ADCY8: variants seen among roughly 807,000 people sequenced by gnomAD.
ADCY8 encodes adenylate cyclase 8.
In ADCY8, 51 loss-of-function variants were observed where a neutral mutation model predicts 119.7. That is an observed-to-expected ratio of 0.43 (90% confidence interval 0.34 to 0.54). ADCY8 has a LOEUF of 0.54. Among genes scored for constraint, ADCY8 ranks in the 20% least tolerant of loss-of-function variants. The pLI, the probability that ADCY8 is intolerant of heterozygous loss-of-function variation, is 0.03. For missense variants in ADCY8, 1,383 were observed against 1,598.8 expected (o/e 0.87, Z 2.30); for synonymous variants, 665 against 651.0 (o/e 1.02, Z -0.33).
At chr8:130,967,146 A>G (rs1246687098) in intron 2 of ADCY8, among the ~76,000 whole-genome samples, 1 of 152,196 alleles carries the variant, frequency 6.6e-6, no homozygotes, top group Non-Finnish European at 1.5e-5. Flanking sequence ...TGGAATTTTC[A>G]CCCATAAATG....
intron 1 of ADCY8, among the ~76,000 whole-genome samples, chr8:131,011,385 G>A (rs942904480): frequency 5.3e-5 from 8 of 152,072 alleles, no homozygotes; most frequent in African/African-American, 1.9e-4. Flanking sequence ...TTTATGTAGG[G>A]CCTGCCAAGC....
At chr8:130,856,443 T>G (rs1817735861) in intron 9 of ADCY8, among the ~76,000 whole-genome samples, 1 of 152,074 alleles carries the variant, frequency 6.6e-6, no homozygotes, top group African/African-American at 2.4e-5. Flanking sequence ...GGGCCCTTCT[T>G]GGCTACCACC....
chr8:131,009,831 A>C (rs1245396650), intron 1 of ADCY8, among the ~76,000 whole-genome samples: 2 of 152,208 alleles, frequency 1.3e-5, no homozygotes, highest in Non-Finnish European at 2.9e-5. Context: ...TAAAGAAGCA[A>C]TGGGTAGAAA....
intron 12 of ADCY8, among the ~76,000 whole-genome samples, chr8:130,833,982 C>T (rs1318600639): frequency 6.6e-6 from 1 of 152,062 alleles, no homozygotes; most frequent in Non-Finnish European, 1.5e-5. Flanking sequence ...GATTGTAAAA[C>T]ATGGCAACTA....
At chr8:130,949,929 C>T (rs1296554717) in intron 3 of ADCY8, among the ~76,000 whole-genome samples, 1 of 152,198 alleles carries the variant, frequency 6.6e-6, no homozygotes, top group African/African-American at 2.4e-5. Flanking sequence ...CAAACTCAAG[C>T]ATCTAAATCA....
chr8:130,878,101 A>G (rs1296535061), intron 8 of ADCY8, among the ~76,000 whole-genome samples: 2 of 152,204 alleles, frequency 1.3e-5, no homozygotes, highest in East Asian at 1.9e-4. Flanking sequence ...AGGGGCAGAC[A>G]ATCATACTCA....
At chr8:130,793,004 G>A (rs142304360) in intron 15 of ADCY8, among the ~76,000 whole-genome samples, 19 of 152,198 alleles carry the variant, frequency 1.2e-4, no homozygotes, top group Non-Finnish European at 2.5e-4. Flanking sequence ...CAGGAGCTGC[G>A]GCCCAAGTCT....
chr8:130,920,148 A>AAAG (rs1820257004), intron 5 of ADCY8, among the ~76,000 whole-genome samples: 1 of 150,804 alleles, frequency 6.6e-6, no homozygotes, highest in African/African-American at 2.4e-5. Context: ...GTTTCTTAAA[A>AAAG]AAAAAAAAAA....
intron 1 of ADCY8, among the ~76,000 whole-genome samples, chr8:131,030,432 A>G (rs1353668230): frequency 6.6e-6 from 1 of 152,184 alleles, no homozygotes; most frequent in Non-Finnish European, 1.5e-5. Context: ...CTTTCCTTTC[A>G]TGTAACTTCT....
chr8:130,982,011 T>A (rs1311156024), intron 2 of ADCY8, among the ~76,000 whole-genome samples: 1 of 152,230 alleles, frequency 6.6e-6, no homozygotes, highest in Admixed American at 6.5e-5. Context: ...AGATATAGAC[T>A]TAGAGCTAGG....
At chr8:130,902,579 A>G (rs1330153808) in intron 7 of ADCY8, among the ~76,000 whole-genome samples, 2 of 152,324 alleles carry the variant, frequency 1.3e-5, no homozygotes, top group African/African-American at 4.8e-5. Context: ...GAAACCAAAG[A>G]CAGCCTAGTC....
intron 2 of ADCY8, among the ~76,000 whole-genome samples, chr8:130,973,240 A>T (rs1021590645): frequency 6.6e-6 from 1 of 152,246 alleles, no homozygotes; most frequent in Non-Finnish European, 1.5e-5. Context: ...GATTGCTTGC[A>T]CATATGTGCA....
chr8:130,921,160 ATATAG>A (rs1276103111), intron 5 of ADCY8, among the ~76,000 whole-genome samples: 1 of 152,256 alleles, frequency 6.6e-6, no homozygotes, highest in African/African-American at 2.4e-5. Context: ...ATATTAAAAA[ATATAG>A]TAAAGAATAA....
chr8:130,927,614 T>C (rs912686771), intron 5 of ADCY8, among the ~76,000 whole-genome samples: 3 of 152,218 alleles, frequency 2.0e-5, no homozygotes, highest in East Asian at 3.8e-4. Context: ...TTGCTGTTAA[T>C]ATATAGAAAT....
In ADCY8 at chr8:130,972,220, C is replaced by T. The variant is rs531944373; in HGVS notation, c.1110+18173G>A. ...CAACCATACTTTTATTGAGCACTTA[C>T]TATGTGTCAAGCCCTGTACATGAAT... On this transcript the variant is annotated intron_variant, in intron 2 of 17. Transcript: ENST00000286355. Among the ~76,000 whole-genome samples the T allele has an allele frequency of 3.3e-4, 50 of 152,312 alleles. 1 individual carries two copies. Among genetic ancestry groups the T allele is most frequent in the African/African-American group, 1.1e-3 (47 of 41,560 alleles).
intron 4 of ADCY8, among the ~76,000 whole-genome samples, chr8:130,940,434 T>C (rs1252394105): frequency 6.6e-6 from 1 of 152,218 alleles, no homozygotes; most frequent in Non-Finnish European, 1.5e-5. Context: ...AATGTGGAGC[T>C]GGTAGCCTCC....
intron 9 of ADCY8, among the ~76,000 whole-genome samples, chr8:130,867,593 A>G (rs929558804): frequency 1.4e-4 from 21 of 152,306 alleles, no homozygotes; most frequent in African/African-American, 5.1e-4. Context: ...CATGTCAAAT[A>G]AGAGTGGGGC....
intron 5 of ADCY8, among the ~76,000 whole-genome samples, chr8:130,936,408 C>A (rs1446014042): frequency 6.6e-6 from 1 of 152,190 alleles, no homozygotes; most frequent in African/African-American, 2.4e-5. Context: ...GGATAAAGTG[C>A]AACCTCTTAA....
At chr8:130,971,625 C>T (rs942631307) in intron 2 of ADCY8, among the ~76,000 whole-genome samples, 1 of 152,102 alleles carries the variant, frequency 6.6e-6, no homozygotes, top group African/African-American at 2.4e-5. Flanking sequence ...GTGATAAATG[C>T]AGTGATGGAT....
Sources: allele counts gnomAD v4.1 joint callset (sites outside exome capture counted in the v4.1 genomes callset), GRCh38; gene constraint gnomAD v4.1.1; transcripts MANE v1.5; gene names NCBI Gene and HGNC (gene_info 2026-07-23, HGNC 2026-07-21).